Variants in VPS51 observed in about 807,000 individuals in gnomAD.
VPS51 encodes the protein vacuolar protein sorting-associated protein 51 homolog.
VPS51 carries 55 observed loss-of-function variants against 65.1 expected under a neutral mutation model. The ratio of observed to expected loss-of-function variants is 0.84; its 90% CI spans 0.68 to 1.06. The LOEUF is 1.06. Ranked by LOEUF, VPS51 falls within the 50% of genes least tolerant of loss-of-function variation. VPS51 has a pLI of 0.00. For synonymous variants in VPS51, 473 were observed against 489.5 expected (o/e 0.97, Z 0.44); for missense variants, 943 against 1,101.6 (o/e 0.86, Z 2.04).
intron 9 of VPS51, 105 bp from the exon 10 acceptor site, chr11:65,111,222 C>A (rs1292909463): frequency 6.5e-7 from 1 of 1,528,264 alleles, no homozygotes; most frequent in Non-Finnish European, 8.8e-7. Flanking sequence ...TCTGCCTCAT[C>A]CCAGCTACTT....
rs1356383893 is a variant in VPS51, at chr11:65,108,312, G to A, written c.841G>A (p.Glu281Lys). Residue 281 changes from glutamate to lysine, a missense_variant, in exon 5 of 10, where the codon GAG becomes AAG. Physicochemically the swap from Glu to Lys is moderately conservative, Grantham distance 56. Around this residue, in one of 2 missense-constraint regions of VPS51, gnomAD observed 855 missense variants for 953.7 expected, o/e 0.90. Transcript: ENST00000279281. ...CCTGGCGCACGCCCGCGGCCGGCTGGAGAAGGAGCTGAGAAACCTGGAGGC... is the reference window on the plus strand; with the variant it reads ...CCTGGCGCACGCCCGCGGCCGGCTGAAGAAGGAGCTGAGAAACCTGGAGGC... ...EFLAHARGRL[E>K]KELRNLEAEL... 1 of 1,609,106 alleles carries A rather than the reference G, an allele frequency of 6.2e-7. No homozygotes were observed. The highest frequency in any genetic ancestry group is 2.2e-5 in the East Asian group (1 of 44,822).
intron 5 of VPS51, 89 bp downstream of exon 5, chr11:65,109,003 A>T (rs1947867626): frequency 1.4e-6 from 2 of 1,464,606 alleles, no homozygotes; most frequent in Non-Finnish European, 1.9e-6. Context: ...TGGGGAAACC[A>T]GGCACTCTGG....
At position 65,097,016 on chromosome 11, in the gene VPS51, C is replaced by G. The variant is rs555025775; in HGVS notation, c.247C>G (p.Leu83Val). 1 of 1,613,882 alleles carries G rather than the reference C, an allele frequency of 6.2e-7. No individual in the cohort carries two copies. The highest frequency in any genetic ancestry group is 8.5e-7 in the Non-Finnish European group (1 of 1,180,036). Reference protein sequence around the residue: ...YLDKLRRECPLAQLMDSETDM... With the variant: ...YLDKLRRECPVAQLMDSETDM... ...TCTTCAGCTGCGTAGAGAGTGCCCT[C>G]TGGCCCAGTTGATGGACAGTGAGAC... The change falls in exon 2 of 10, where the codon CTG becomes GTG. Residue 83 changes from leucine to valine, a missense_variant. Coordinates refer to ENST00000279281, the MANE Select transcript of VPS51 (RefSeq NM_013265.4).
chr11:65,110,786 G>T lies in VPS51; in HGVS notation c.2088+5G>T, dbSNP rs1484179057. 1 of 1,613,972 alleles carries T rather than the reference G, an allele frequency of 6.2e-7. No homozygotes were observed. The highest frequency in any genetic ancestry group is 8.5e-7 in the Non-Finnish European group (1 of 1,180,028). On this transcript the variant is annotated splice_donor_5th_base_variant and intron_variant, in intron 9 of 9. Coordinates refer to ENST00000279281, the MANE Select transcript of VPS51 (RefSeq NM_013265.4). The stretch of plus-strand genomic sequence containing the variant: ...AGCCCTGTGGAGTTCAACAAGGTCC[G>T]ACTTCCAACGTGACTCAGACTTCCA...
At position 65,109,311 on chromosome 11, in the gene VPS51, G is replaced by A; in HGVS notation, c.1475G>A (p.Gly492Asp). Residue 492 changes from glycine (G) to aspartate (D), a missense_variant, in exon 6 of 10, where the codon GGC becomes GAC. Gly to Asp is a moderately conservative substitution (Grantham distance 94). Transcript: ENST00000279281. ...GEFCSQGVREGLIVGFVHSMC... is the reference protein window; with the variant it reads ...GEFCSQGVREDLIVGFVHSMC... Reference sequence around the variant, plus strand: ...TTCTGCAGTCAGGGTGTCCGTGAGGGCCTCATCGTGGGCTTCGTCCACTCT... The same window carrying A: ...TTCTGCAGTCAGGGTGTCCGTGAGGACCTCATCGTGGGCTTCGTCCACTCT... 6.2e-7 allele frequency: 1 copy of A among 1,613,304 alleles called. No homozygotes were observed. Among genetic ancestry groups the A allele is most frequent in the Non-Finnish European group, 8.5e-7 (1 of 1,179,802 alleles).
intron 2 of VPS51, among the ~76,000 whole-genome samples, chr11:65,099,797 A>G (rs1220788293): frequency 6.6e-6 from 1 of 152,238 alleles, no homozygotes; most frequent in East Asian, 1.9e-4. Flanking sequence ...ACCTAGTCTC[A>G]AAAAATAAAT....
intron 2 of VPS51, among the ~76,000 whole-genome samples, chr11:65,103,064 G>A (rs923193512): frequency 3.3e-5 from 5 of 152,176 alleles, no homozygotes; most frequent in Admixed American, 6.5e-5. Context: ...TAAGGTAGGA[G>A]GATCACTTGA....
At chr11:65,103,890 GTGTTTTTTTT>G (rs1239506063) in intron 2 of VPS51, among the ~76,000 whole-genome samples, 2 of 150,114 alleles carry the variant, frequency 1.3e-5, no homozygotes, top group African/African-American at 4.9e-5. Flanking sequence ...CGTTTACAGG[GTGTTTTTTTT>G]TGTTTTTTTT....
At chr11:65,098,404 C>T (rs978923256) in intron 2 of VPS51, among the ~76,000 whole-genome samples, 6 of 151,800 alleles carry the variant, frequency 4.0e-5, no homozygotes, top group African/African-American at 1.5e-4. Context: ...TTCTTCTGTC[C>T]TCTTTATTCT....
rs113835011 is a variant in VPS51, at chr11:65,103,638, G to T, written c.359-3943G>T. Among the ~76,000 whole-genome samples, 1,023 of 152,082 alleles carry T rather than the reference G, an allele frequency of 6.7e-3. 11 individuals are homozygous for T. The highest frequency in any genetic ancestry group is 0.023 in the African/African-American group (967 of 41,466). On this transcript the variant is annotated intron_variant, in intron 2 of 9. Coordinates refer to ENST00000279281, the MANE Select transcript of VPS51 (RefSeq NM_013265.4). The stretch of plus-strand genomic sequence containing the variant: ...GCTTTTCTCCTTACTCACCCTTCCA[G>T]CTGTCTCCCCAAGTGGGGTAGATTC...
intron 2 of VPS51, among the ~76,000 whole-genome samples, chr11:65,097,808 G>A (rs1024158628): frequency 6.6e-6 from 1 of 152,096 alleles, no homozygotes; most frequent in Non-Finnish European, 1.5e-5. Flanking sequence ...AGTGAGCTGT[G>A]CTTGTACCAC....
intron 2 of VPS51, among the ~76,000 whole-genome samples, chr11:65,105,728 G>A (rs1482606984): frequency 6.6e-6 from 1 of 152,242 alleles, no homozygotes; most frequent in Admixed American, 6.5e-5. Flanking sequence ...TCAGGCACTA[G>A]CTGCAGGTCA....
Position 65,096,685 on chromosome 11 carries a change from G to A in VPS51, c.228+207G>A, listed in dbSNP as rs567788404. 1.1e-3 allele frequency: 708 copies of A among 625,310 alleles called. 5 individuals are homozygous for A. The highest frequency in any genetic ancestry group is 8.0e-3 in the South Asian group (384 of 48,208). 38.7% of individuals were successfully genotyped at this position (625,310 alleles called of 1,614,324 possible). A position where few individuals can be genotyped will look rare whatever the true frequency, so the allele number is the denominator to read the frequency against. On this transcript the variant is annotated intron_variant, in intron 1 of 9. Coordinates refer to ENST00000279281, the MANE Select transcript of VPS51 (RefSeq NM_013265.4). ...GGACTGGACTGGCCTGAGGTGATGC[G>A]GCATCTGAGGTCTTCTGGGCTGATG...
Position 65,107,396 on chromosome 11 carries a change from C to A in VPS51, c.359-185C>A. Reference sequence around the variant, plus strand: ...ATGTGAGTAACGCCTGCTTTGGGAACATAAACCCCCTCCCCCGCCCCCATG... The same window carrying A: ...ATGTGAGTAACGCCTGCTTTGGGAAAATAAACCCCCTCCCCCGCCCCCATG... On this transcript the variant is annotated intron_variant, in intron 2 of 9. Coordinates refer to ENST00000279281, the MANE Select transcript of VPS51 (RefSeq NM_013265.4). This position sits in a 1 kb window ranked among gnomAD's most constrained non-coding sequence, Gnocchi z 4.0. 1 of 700,610 alleles carries A rather than the reference C, an allele frequency of 1.4e-6. No individual in the cohort carries two copies. Among genetic ancestry groups the A allele is most frequent in the Non-Finnish European group, 2.4e-6 (1 of 419,548 alleles). 43.4% of individuals were successfully genotyped at this position (700,610 alleles called of 1,614,324 possible). A position where few individuals can be genotyped will look rare whatever the true frequency, so the allele number is the denominator to read the frequency against.
intron 5 of VPS51, 87 bp from the exon 6 acceptor site, chr11:65,109,192 TG>T: frequency 7.1e-7 from 1 of 1,401,674 alleles, no homozygotes; most frequent in Non-Finnish European, 9.8e-7. Flanking sequence ...CAGAGGGGGC[TG>T]GGGCACTTAG....
chr11:65,110,483 T>TG lies in VPS51; in HGVS notation c.1884dup (p.Leu629AlafsTer56), dbSNP rs1947886933. 1 of 1,613,702 alleles carries TG rather than the reference T, an allele frequency of 6.2e-7. No individual in the cohort carries two copies. ...TGCAGTACCTCTTTTTACCACCAGG[T>TG]GGGGCTCCTGTACGAAGAGGGTGTT... On this transcript the variant is annotated frameshift_variant and splice_region_variant, in exon 8 of 10. Transcript: ENST00000279281. LOFTEE classifies it high-confidence loss of function.
chr11:65,109,115 C>A, intron 5 of VPS51, 165 bp from the exon 6 acceptor site: 1 of 1,023,080 alleles, frequency 9.8e-7, no homozygotes, highest in Non-Finnish European at 1.4e-6. Flanking sequence ...CCAGTGTTGG[C>A]TTTCTCTGCC....
Position 65,111,594 on chromosome 11 carries a change from C to T in VPS51, c.*7C>T. 2.5e-6 allele frequency: 4 copies of T among 1,599,024 alleles called. No individual in the cohort carries two copies. The highest frequency in any genetic ancestry group is 3.4e-6 in the Non-Finnish European group (4 of 1,177,610). On this transcript the variant is annotated 3_prime_UTR_variant, in exon 10 of 10. Coordinates refer to ENST00000279281, the MANE Select transcript of VPS51 (RefSeq NM_013265.4). ...CATCTGCGAGCGCGGCTAGGCGCAG[C>T]CGCTGCCATGCACCGGTCTGTCCCT...
Position 65,096,238 on chromosome 11 carries a change from T to C in VPS51, c.-13T>C. 2.0e-6 allele frequency: 3 copies of C among 1,528,310 alleles called. No individual in the cohort carries two copies. The highest frequency in any genetic ancestry group is 2.6e-6 in the Non-Finnish European group (3 of 1,140,386). The allele number at this position is 1,528,310 out of a possible 1,614,324, so 94.7% of individuals were successfully genotyped here. The stretch of plus-strand genomic sequence containing the variant: ...CCTTTCCAGCCTCACGCCCGTGGGC[T>C]GCAGTTGGAACGATGGCGGCGGCAG... On this transcript the variant is annotated 5_prime_UTR_variant, in exon 1 of 10. Transcript: ENST00000279281.
Sources: gnomAD v4.1 joint callset for allele counts (sites outside exome capture counted in the v4.1 genomes callset) on GRCh38, gnomAD v4.1.1 for gene constraint, gnomAD v4.1.1 regional missense constraint, Gnocchi (gnomAD v3.1) non-coding constraint, MANE v1.5 for transcripts, NCBI Gene and HGNC (gene_info 2026-07-23, HGNC 2026-07-21) for gene names.